The following ATG10 variants were observed in gnomAD, a reference collection of about 807,000 sequenced individuals.
The protein encoded by ATG10 is autophagy related 10.
In ATG10, 30 loss-of-function variants were observed where a neutral mutation model predicts 32.1. The observed-to-expected ratio is 0.94, with a 90% CI of 0.70 to 1.27. The LOEUF (loss-of-function observed/expected upper bound fraction) is 1.27. ATG10 is among the 50% of genes most tolerant of loss of function. The pLI, the probability that ATG10 is intolerant of heterozygous loss-of-function variation, is 0.00. For missense variants in ATG10, 233 were observed against 262.3 expected (o/e 0.89, Z 0.77); for synonymous variants, 87 against 91.5 (o/e 0.95, Z 0.28).
chr5:82,081,145 A>G (rs1764465514), intron 3 of ATG10, among the ~76,000 whole-genome samples: 1 of 152,168 alleles, frequency 6.6e-6, no homozygotes, highest in South Asian at 2.1e-4. Context: ...GAGTTCACTC[A>G]TGATTTGGCT....
chr5:82,252,824 C>G (rs1330827449), intron 6 of ATG10, 165 bp downstream of exon 6: 3 of 556,706 alleles, frequency 5.4e-6, no homozygotes, highest in Non-Finnish European at 6.2e-6. Context: ...GTTTTAGATA[C>G]AGTAAGACAT....
intron 2 of ATG10, among the ~76,000 whole-genome samples, chr5:82,050,358 C>G (rs1763372612): frequency 6.6e-6 from 1 of 152,008 alleles, no homozygotes; most frequent in Admixed American, 6.6e-5. Flanking sequence ...TTGATTCCTG[C>G]TATAATAGAT....
chr5:82,122,348 A>G (rs1348091428), intron 3 of ATG10, among the ~76,000 whole-genome samples: 1 of 152,158 alleles, frequency 6.6e-6, no homozygotes, highest in Non-Finnish European at 1.5e-5. Flanking sequence ...TTTACATCGT[A>G]TACAAAAATC....
intron 1 of ATG10, among the ~76,000 whole-genome samples, chr5:81,983,682 C>T (rs1334426138): frequency 6.6e-6 from 1 of 151,574 alleles, no homozygotes; most frequent in Admixed American, 6.6e-5. Context: ...GGCTGCCGGG[C>T]GGAGACGCTC....
At chr5:82,144,868 A>G (rs1767284757) in intron 3 of ATG10, among the ~76,000 whole-genome samples, 1 of 152,022 alleles carries the variant, frequency 6.6e-6, no homozygotes, top group African/African-American at 2.4e-5. Flanking sequence ...TTTTCTATAA[A>G]TTGCTGAGAT....
intron 2 of ATG10, among the ~76,000 whole-genome samples, chr5:82,000,695 C>T (rs1761823015): frequency 6.6e-6 from 1 of 152,074 alleles, no homozygotes; most frequent in Non-Finnish European, 1.5e-5. Context: ...GAGTCTCTGT[C>T]GCCCAGGCTG....
intron 3 of ATG10, among the ~76,000 whole-genome samples, chr5:82,066,759 G>C (rs1581654408): frequency 6.6e-6 from 1 of 152,072 alleles, no homozygotes; most frequent in African/African-American, 2.4e-5. Context: ...GTGGCTTCTA[G>C]GATGAGTTCT....
rs187451313 is a variant in ATG10, at chr5:82,223,641, G to A, written c.454-28921G>A. On this transcript the variant is annotated intron_variant, in intron 5 of 7. Transcript: ENST00000282185. ...TATGGCATGGTCTTCTTTCCCCAAA[G>A]ATGGGGCAATAATGCACAGATTACA... is the stretch of plus-strand genomic sequence containing the variant. Among the ~76,000 whole-genome samples, 548 of 152,210 alleles carry A rather than the reference G, an allele frequency of 3.6e-3. 1 individual carries two copies. Among genetic ancestry groups the A allele is most frequent in the Middle Eastern group, 6.8e-3 (2 of 294 alleles).
chr5:82,084,939 C>T (rs1764617314), intron 3 of ATG10, among the ~76,000 whole-genome samples: 1 of 152,086 alleles, frequency 6.6e-6, no homozygotes, highest in South Asian at 2.1e-4. Context: ...AGCAAAATAA[C>T]CAGCTAACAT....
chr5:82,084,047 A>G (rs996247802), intron 3 of ATG10, among the ~76,000 whole-genome samples: 6 of 152,356 alleles, frequency 3.9e-5, no homozygotes, highest in African/African-American at 1.4e-4. Flanking sequence ...CTAAAAGAGG[A>G]TGTTCGAACC....
At chr5:82,151,275 C>T (rs1767583791) in intron 3 of ATG10, among the ~76,000 whole-genome samples, 1 of 152,112 alleles carries the variant, frequency 6.6e-6, no homozygotes, top group Non-Finnish European at 1.5e-5. Flanking sequence ...TGGTCTTGAA[C>T]TCCTGGCTTT....
At chr5:82,250,392 C>G (rs1747206657) in intron 5 of ATG10, among the ~76,000 whole-genome samples, 1 of 152,256 alleles carries the variant, frequency 6.6e-6, no homozygotes, top group South Asian at 2.1e-4. Flanking sequence ...TTATTTCTCC[C>G]AGTTCTGAAG....
At chr5:82,082,588 T>G (rs1184949854) in intron 3 of ATG10, among the ~76,000 whole-genome samples, 2 of 152,200 alleles carry the variant, frequency 1.3e-5, no homozygotes, top group African/African-American at 4.8e-5. Context: ...TGAGATTTTT[T>G]TCCCTTTTTA....
At chr5:82,186,872 G>C (rs955267033) in intron 5 of ATG10, among the ~76,000 whole-genome samples, 17 of 152,176 alleles carry the variant, frequency 1.1e-4, no homozygotes, top group African/African-American at 4.1e-4. Context: ...GTGAGCCACC[G>C]CGCCCAGCCA....
chr5:82,048,642 C>G (rs1763299993), intron 2 of ATG10, among the ~76,000 whole-genome samples: 1 of 151,988 alleles, frequency 6.6e-6, no homozygotes, highest in South Asian at 2.1e-4. Flanking sequence ...TTTTCACAAC[C>G]TACTCATCTG....
intron 2 of ATG10, among the ~76,000 whole-genome samples, chr5:82,011,940 G>A (rs968142963): frequency 6.6e-6 from 1 of 152,136 alleles, no homozygotes; most frequent in African/African-American, 2.4e-5. Context: ...TCCTATTATG[G>A]TGCTGGTTGG....
At chr5:82,161,222 G>A (rs80265720) in intron 3 of ATG10, among the ~76,000 whole-genome samples, 232 of 152,270 alleles carry the variant, frequency 1.5e-3, no homozygotes, top group African/African-American at 5.2e-3. Flanking sequence ...ATGCAGAAAT[G>A]TCACTGCATG....
intron 3 of ATG10, chr5:82,147,783 C>G (rs1337237155): frequency 6.6e-6 from 1 of 152,270 alleles, no homozygotes; most frequent in Non-Finnish European, 1.5e-5. Context: ...GGCTCTTTCC[C>G]CCAGTTTCCT....
At chr5:82,100,360 A>G (rs886947474) in intron 3 of ATG10, among the ~76,000 whole-genome samples, 4 of 151,526 alleles carry the variant, frequency 2.6e-5, no homozygotes, top group African/African-American at 9.7e-5. Context: ...TGGTGTTTTG[A>G]CTGCCTCCCC....
Sources: allele counts gnomAD v4.1 joint callset (sites outside exome capture counted in the v4.1 genomes callset), GRCh38; gene constraint gnomAD v4.1.1; transcripts MANE v1.5; gene names NCBI Gene and HGNC (gene_info 2026-07-23, HGNC 2026-07-21).